The following MYO16 variants were observed in gnomAD, a reference collection of about 807,000 sequenced individuals.
The protein encoded by MYO16 is unconventional myosin-XVI.
In MYO16, 94 loss-of-function variants were observed where a neutral mutation model predicts 205.3. The ratio of observed to expected loss-of-function variants is 0.46; its 90% confidence interval spans 0.39 to 0.54. The LOEUF is 0.54. Among genes scored for constraint, MYO16 ranks in the 20% least tolerant of loss-of-function variants. MYO16 has a pLI of 0.00. For missense variants in MYO16, 2,315 were observed against 2,387.5 expected, an observed-to-expected ratio of 0.97 and a Z score of 0.63; for synonymous variants, 988 against 954.0, an observed-to-expected ratio of 1.04 and a Z score of -0.66.
intron 1 of MYO16, among the ~76,000 whole-genome samples, chr13:108,642,385 A>G (rs149023723): frequency 2.0e-5 from 3 of 152,244 alleles, no homozygotes; most frequent in Admixed American, 1.3e-4. Context: ...CTAGGGCAGG[A>G]ATGGAGTTAC....
intron 23 of MYO16, among the ~76,000 whole-genome samples, chr13:109,027,168 G>A (rs993775207): frequency 6.6e-6 from 1 of 152,140 alleles, no homozygotes; most frequent in African/African-American, 2.4e-5. Flanking sequence ...CCAGCCATTG[G>A]CATTCCTGCC....
intron 9 of MYO16, among the ~76,000 whole-genome samples, chr13:108,826,593 TAAGA>T (rs1876283339): frequency 6.6e-6 from 1 of 151,128 alleles, no homozygotes; most frequent in Non-Finnish European, 1.5e-5. Flanking sequence ...AAGACAGTAA[TAAGA>T]AAGTGAAAAA....
At chr13:109,008,644 G>T (rs1406179100) in intron 21 of MYO16, among the ~76,000 whole-genome samples, 2 of 129,232 alleles carry the variant, frequency 1.5e-5, no homozygotes, top group Admixed American at 1.5e-4. Flanking sequence ...ATGCACTACT[G>T]TACTGTCTAT....
intron 33 of MYO16, among the ~76,000 whole-genome samples, chr13:109,172,231 C>T (rs368412056): frequency 1.3e-5 from 2 of 152,250 alleles, no homozygotes; most frequent in East Asian, 3.9e-4. Context: ...GAACGCATAC[C>T]CTTGTCTGAC....
intron 2 of MYO16, among the ~76,000 whole-genome samples, chr13:108,702,934 A>G (rs1883365593): frequency 6.6e-6 from 1 of 152,086 alleles, no homozygotes. Context: ...AATAAATAAT[A>G]TATGAAAATA....
chr13:108,669,757 G>A (rs1451420100), intron 2 of MYO16, among the ~76,000 whole-genome samples: 10 of 152,158 alleles, frequency 6.6e-5, no homozygotes, highest in Admixed American at 6.5e-4. Flanking sequence ...AATAGAATGA[G>A]TTCATGTCCT....
In MYO16 at chr13:108,757,325, C is replaced by T. The variant is rs913327290; in HGVS notation, c.508-28310C>T. Among the ~76,000 whole-genome samples, 11 of 152,076 alleles carry T rather than the reference C, an allele frequency of 7.2e-5. No homozygotes were observed. The South Asian group carries it at 1.9e-3, about 26-fold the overall frequency. On this transcript the variant is annotated intron_variant, in intron 4 of 34. Transcript: ENST00000457511. ...GAAGTTTTGATCTTTGAGTTGTCTA[C>T]GGAATATTTTATTCCTAATGCGGGA...
At chr13:108,764,895 A>G (rs889771227) in intron 4 of MYO16, among the ~76,000 whole-genome samples, 1 of 152,220 alleles carries the variant, frequency 6.6e-6, no homozygotes, top group Non-Finnish European at 1.5e-5. Flanking sequence ...TGGACACAAC[A>G]GAACAGTCAT....
intron 4 of MYO16, among the ~76,000 whole-genome samples, chr13:108,772,911 C>T (rs1479968467): frequency 1.3e-5 from 2 of 152,072 alleles, no homozygotes; most frequent in African/African-American, 2.4e-5. Context: ...ATGTCTTAGT[C>T]TGTTTGGGCT....
At chr13:108,501,553 G>T in the MYO16 span, among the ~76,000 whole-genome samples, 5 of 152,174 alleles carry the variant, frequency 3.3e-5, no homozygotes, top group African/African-American at 1.2e-4. Context: ...AAAAAGGTCT[G>T]ATTATTTTCC....
intron 3 of MYO16, 120 bp from the exon 4 acceptor site, chr13:108,727,320 A>G: frequency 1.0e-6 from 1 of 954,174 alleles, no homozygotes. Flanking sequence ...TTCCCAGGTT[A>G]GCTTCACCTC....
At chr13:108,627,824 G>A (rs1213372346), upstream of MYO16, among the ~76,000 whole-genome samples, 2 of 152,120 alleles carry the variant, frequency 1.3e-5, no homozygotes, top group Non-Finnish European at 2.9e-5. Context: ...GATGTTTGCT[G>A]AGTTTGTATA....
intron 1 of MYO16, among the ~76,000 whole-genome samples, chr13:108,664,717 C>T (rs996374176): frequency 2.0e-5 from 3 of 152,152 alleles, no homozygotes; most frequent in African/African-American, 7.2e-5. Context: ...GTTTGCAAGC[C>T]AGCTTCTAGA....
At chr13:108,713,008 G>A (rs569375250) in intron 3 of MYO16, among the ~76,000 whole-genome samples, 32 of 152,130 alleles carry the variant, frequency 2.1e-4, no homozygotes, top group African/African-American at 7.7e-4. Flanking sequence ...ACAGTATTAG[G>A]CAATCATCCT....
chr13:109,038,161 A>G (rs1001100511), intron 23 of MYO16, among the ~76,000 whole-genome samples: 2 of 152,204 alleles, frequency 1.3e-5, no homozygotes, highest in African/African-American at 4.8e-5. Flanking sequence ...TTTCTTCAGA[A>G]TTAACTCCCA....
chr13:109,136,098 C>T (rs1876763091), intron 31 of MYO16, among the ~76,000 whole-genome samples: 2 of 149,534 alleles, frequency 1.3e-5, no homozygotes, highest in African/African-American at 2.5e-5. Context: ...TCCTTCCTTC[C>T]TTTTTTTGTT....
At chr13:109,096,841 G>C (rs929820202) in intron 27 of MYO16, among the ~76,000 whole-genome samples, 7 of 152,212 alleles carry the variant, frequency 4.6e-5, no homozygotes, top group African/African-American at 1.7e-4. Context: ...CAGCTCTGAG[G>C]GAGGGTAGAG....
rs1359571143 is a variant in MYO16 at position 108,629,806 on chromosome 13, G to T, written c.-39G>T. 1 of 1,520,692 alleles carries T rather than the reference G, an allele frequency of 6.6e-7. No individual in the cohort carries two copies. The highest frequency in any genetic ancestry group is 2.0e-5 in the Admixed American group (1 of 50,872). 94.2% of individuals were successfully genotyped at this position (1,520,692 alleles called of 1,614,324 possible). On this transcript the variant is annotated 5_prime_UTR_variant, in exon 1 of 35. The change abolishes an upstream ATG in the 5' untranslated region. Coordinates refer to ENST00000457511, the MANE Select transcript of MYO16 (RefSeq NM_001198950.3). ...AACGACAGTTGTGACAGAAGAGAAT[G>T]CTGGAACCCGTAGCAAGATTCCTGT...
intron 27 of MYO16, among the ~76,000 whole-genome samples, chr13:109,074,465 C>A (rs1273456497): frequency 6.6e-6 from 1 of 152,162 alleles, no homozygotes; most frequent in African/African-American, 2.4e-5. Flanking sequence ...GAGAAGCAGG[C>A]ATGTCTTATG....
Sources: gnomAD v4.1 joint callset for allele counts (sites outside exome capture counted in the v4.1 genomes callset) on GRCh38, gnomAD v4.1.1 for gene constraint, MANE v1.5 for transcripts, NCBI Gene and HGNC (gene_info 2026-07-23, HGNC 2026-07-21) for gene names.